Variants in ZNF568 observed in about 807,000 individuals in gnomAD.
ZNF568 encodes the protein zinc finger protein 568.
Under a neutral mutation model 18.1 loss-of-function variants are expected in ZNF568, and 11 were observed. The ratio of observed to expected loss-of-function variants is 0.61; its 90% confidence interval spans 0.38 to 1.00. The LOEUF (loss-of-function observed/expected upper bound fraction) is 1.00. Among genes scored for constraint, ZNF568 ranks in the 50% least tolerant of loss-of-function variants. The pLI, the probability that ZNF568 is intolerant of heterozygous loss-of-function variation, is 0.01. For synonymous variants in ZNF568, 213 were observed against 246.6 expected (o/e 0.86, Z 1.28); for missense variants, 639 against 768.2 (o/e 0.83, Z 1.99).
At chr19:36,960,563 A>C (rs2074141246) in intron 6 of ZNF568, among the ~76,000 whole-genome samples, 1 of 151,800 alleles carries the variant, frequency 6.6e-6, no homozygotes, top group African/African-American at 2.4e-5. Context: ...GTGGCTCACC[A>C]TGTAAAAATA....
intron 6 of ZNF568, among the ~76,000 whole-genome samples, chr19:36,946,754 G>A (rs150541448): frequency 0.018 from 2,540 of 144,832 alleles, 41 homozygotes; most frequent in Middle Eastern, 0.061. Context: ...CCAGGTTCAC[G>A]CGATTCTCCT....
chr19:36,930,410 C>A (rs2073666872), intron 4 of ZNF568, among the ~76,000 whole-genome samples: 1 of 151,944 alleles, frequency 6.6e-6, no homozygotes, highest in Admixed American at 6.6e-5. Flanking sequence ...GGGGTTTCAC[C>A]ATGTTAGCCA....
At chr19:36,985,592 G>C (rs1442261686) in intron 2 of ZNF568, among the ~76,000 whole-genome samples, 2 of 152,052 alleles carry the variant, frequency 1.3e-5, no homozygotes, top group African/African-American at 4.8e-5. Flanking sequence ...ATGCGATCTT[G>C]GCTCACTGCA....
At chr19:36,959,755 T>C (rs1380292950) in intron 6 of ZNF568, among the ~76,000 whole-genome samples, 3 of 152,182 alleles carry the variant, frequency 2.0e-5, no homozygotes, top group Non-Finnish European at 2.9e-5. Flanking sequence ...TTCAGGAATA[T>C]ATCTGTTTTC....
At position 36,952,094 on chromosome 19, in the gene ZNF568, TATAC is replaced by T; in HGVS notation, c.*1009_*1012del. The T allele has an allele frequency of 5.0e-6, 2 of 398,786 alleles. No homozygotes were observed. 24.7% of individuals were successfully genotyped at this position (398,786 alleles called of 1,614,324 possible). ...CTCTGTAATTCCACTTCTAGGTATA[TATAC>T]ATCCTATAGAAACTCACAAATAATG... is the stretch of plus-strand genomic sequence containing the variant. On this transcript the variant is annotated 3_prime_UTR_variant, in exon 7 of 7. Coordinates refer to ENST00000333987, the MANE Select transcript of ZNF568 (RefSeq NM_198539.4).
chr19:36,929,891 A>G (rs12981965), intron 4 of ZNF568, among the ~76,000 whole-genome samples: 30,865 of 150,062 alleles, frequency 0.21, 3,418 homozygotes, highest in African/African-American at 0.29. Context: ...CTGTGGTACC[A>G]GCAAGAACAT....
At position 36,925,704 on chromosome 19, in the gene ZNF568, C is replaced by T. The variant is rs182319639; in HGVS notation, c.135+446C>T. ...TTGAAAAAAAAATGGGTGGTTGTAT[C>T]TGTACTGAACATGTACAGACTTTTT... On this transcript the variant is annotated intron_variant, in intron 4 of 6. Transcript: ENST00000333987. Among the ~76,000 whole-genome samples, 8 of 152,140 alleles carry T rather than the reference C, an allele frequency of 5.3e-5. No homozygotes were observed. The East Asian group carries it at 1.5e-3, about 29-fold the overall frequency.
chr19:36,930,077 A>C (rs2073659040), intron 4 of ZNF568, among the ~76,000 whole-genome samples: 1 of 151,816 alleles, frequency 6.6e-6, no homozygotes, highest in Admixed American at 6.6e-5. Context: ...TAACATTTGT[A>C]TGTGAAGAGA....
At position 36,971,488 on chromosome 19, in the gene ZNF568, C is replaced by G. The variant is rs568811110; in HGVS notation, c.359-2932C>G. ...TAATGGCCAAAAATATAAGGGACTA[C>G]TTTTTAACTGAAAAGAAAAAAAGTC... On this transcript the variant is annotated intron_variant, in intron 6 of 7. Transcript: ENST00000427117. 2.3e-4 allele frequency among the ~76,000 whole-genome samples: 35 copies of G among 152,058 alleles called. 1 individual carries two copies. In the East Asian group the frequency reaches 5.2e-3, roughly 23 times the overall value.
exon 3 of ZNF568, chr19:36,991,210 C>T: frequency 1.3e-6 from 2 of 1,536,296 alleles, no homozygotes; most frequent in South Asian, 1.2e-5. Flanking sequence ...ATTTACTTCT[C>T]TCAAAAGGAG....
rs139936641 is a variant in ZNF568 at position 36,993,528 on chromosome 19, C to T, written c.229+1682C>T. ...TGGGTAAGTGAGGCCATTTGCTCCT[C>T]GGCTTTTCTTTATGGGAAGATTTTT... is the stretch of plus-strand genomic sequence containing the variant. On this transcript the variant is annotated intron_variant, in intron 4 of 4. Transcript: ENST00000433993. 1.2e-3 allele frequency among the ~76,000 whole-genome samples: 188 copies of T among 152,170 alleles called. 3 individuals are homozygous for T. The highest frequency in any genetic ancestry group is 3.4e-3 in the Middle Eastern group (1 of 294).
At chr19:36,936,479 A>AT (rs2073792434) in intron 4 of ZNF568, among the ~76,000 whole-genome samples, 1 of 152,046 alleles carries the variant, frequency 6.6e-6, no homozygotes, top group Non-Finnish European at 1.5e-5. Flanking sequence ...GGTTTTCAAC[A>AT]TTTTTGCTAT....
chr19:36,959,851 CCTT>C lies in ZNF568; in HGVS notation c.359-14564_359-14562del, dbSNP rs112152590. Among the ~76,000 whole-genome samples the C allele has an allele frequency of 9.6e-3, 1,464 of 152,124 alleles. 25 individuals carry two copies. Among genetic ancestry groups the C allele is most frequent in the African/African-American group, 0.033 (1,360 of 41,508 alleles). On this transcript the variant is annotated intron_variant, in intron 6 of 7. Coordinates refer to the ZNF568 transcript ENST00000427117. The stretch of plus-strand genomic sequence containing the variant: ...TTCTGTAGTATCAGTTGTAATGTCT[CCTT>C]CTTCATTTCCAATTTTGCTTATTTG...
rs138929376 is a variant in ZNF568 at position 36,946,312 on chromosome 19, G to A, written c.359-3200G>A. On this transcript the variant is annotated intron_variant, in intron 6 of 6. Transcript: ENST00000333987. ...TCCTTTCCTTTTCTTCTGGAATATA[G>A]ATACATCACAATTTTTAGCTAATTC... Among the ~76,000 whole-genome samples, 1,515 of 152,086 alleles carry A rather than the reference G, an allele frequency of 1.0e-2. 20 individuals carry two copies. Among genetic ancestry groups the A allele is most frequent in the Non-Finnish European group, 0.01 (691 of 67,990 alleles).
At chr19:36,924,557 G>A (rs1339761277) in intron 3 of ZNF568, among the ~76,000 whole-genome samples, 23 of 3,318 alleles carry the variant, frequency 6.9e-3, no homozygotes, top group Middle Eastern at 0.1. Flanking sequence ...TAGGCCAGGC[G>A]CGGCGTCACG....
At chr19:36,962,336 CT>C (rs76251375) in intron 6 of ZNF568, among the ~76,000 whole-genome samples, 113 of 43,088 alleles carry the variant, frequency 2.6e-3, no homozygotes, top group Middle Eastern at 0.025. Flanking sequence ...GCTTTTCTTT[CT>C]TTTTTTTTTT....
chr19:36,933,908 TTTGTTTTGTTTTTTTG>T (rs1447560488), intron 4 of ZNF568, among the ~76,000 whole-genome samples: 1,049 of 34,950 alleles, frequency 0.03, 48 homozygotes, highest in African/African-American at 0.085. Context: ...GGTTTTTTTT[TTTGTTTTGTTTTTTTG>T]TTTTTTTTTT....
At chr19:36,996,960 T>C (rs1216096527) in exon 5 of ZNF568, 3 of 1,539,596 alleles carry the variant, frequency 1.9e-6, no homozygotes, top group Non-Finnish European at 2.6e-6. Flanking sequence ...AGAAATACTA[T>C]GAAAGTAAGG....
chr19:36,967,205 C>T (rs2074201184), intron 6 of ZNF568, among the ~76,000 whole-genome samples: 1 of 152,170 alleles, frequency 6.6e-6, no homozygotes, highest in Non-Finnish European at 1.5e-5. Context: ...CTTTTAGAGT[C>T]CTCCTCATGG....
Sources: allele counts gnomAD v4.1 joint callset (sites outside exome capture counted in the v4.1 genomes callset), GRCh38; gene constraint gnomAD v4.1.1; transcripts MANE v1.5; gene names NCBI Gene and HGNC (gene_info 2026-07-23, HGNC 2026-07-21).